The following LGSN variants were observed in gnomAD, a reference collection of about 807,000 sequenced individuals.
LGSN encodes lengsin, lens protein with glutamine synthetase domain.
In LGSN, 21 loss-of-function variants were observed where a neutral mutation model predicts 19.5. The ratio of observed to expected loss-of-function variants is 1.07; its 90% CI spans 0.76 to 1.55. The LOEUF (loss-of-function observed/expected upper bound fraction) is 1.55. Among genes scored for constraint, LGSN ranks in the 40% most tolerant of loss-of-function variants. LGSN has a pLI of 0.00. For missense variants in LGSN, 673 were observed against 608.5 expected, an observed-to-expected ratio of 1.11 and a Z score of -1.12; for synonymous variants, 257 against 215.6, an observed-to-expected ratio of 1.19 and a Z score of -1.68.
the LGSN span, among the ~76,000 whole-genome samples, chr6:63,363,824 A>G: frequency 6.6e-6 from 1 of 152,154 alleles, no homozygotes; most frequent in Admixed American, 6.5e-5. Context: ...AGCAGGCCAA[A>G]TTCAAATTCA....
chr6:63,450,704 G>C, the LGSN span, among the ~76,000 whole-genome samples: 3 of 150,720 alleles, frequency 2.0e-5, no homozygotes, highest in Non-Finnish European at 4.4e-5. Flanking sequence ...ACTGAGTCTT[G>C]CTCTGTGGCC....
the LGSN span, among the ~76,000 whole-genome samples, chr6:63,442,753 C>G: frequency 1.3e-5 from 2 of 151,966 alleles, no homozygotes; most frequent in Non-Finnish European, 2.9e-5. Flanking sequence ...AAGTCCCCAC[C>G]AGATTAGCTA....
chr6:63,328,501 A>C, the LGSN span, among the ~76,000 whole-genome samples: 1 of 152,210 alleles, frequency 6.6e-6, no homozygotes, highest in Non-Finnish European at 1.5e-5. Flanking sequence ...TACTCCAGAC[A>C]GTGAGATCCT....
the LGSN span, among the ~76,000 whole-genome samples, chr6:63,562,184 T>G: frequency 6.6e-6 from 1 of 151,622 alleles, no homozygotes; most frequent in Admixed American, 6.6e-5. Flanking sequence ...TTAAAGACAT[T>G]AAGATATTTT....
chr6:63,308,170 T>G lies in LGSN; in HGVS notation c.30+11744A>C, dbSNP rs1363114461. Among the ~76,000 whole-genome samples the G allele has an allele frequency of 3.3e-5, 5 of 152,224 alleles. No individual in the cohort carries two copies. The South Asian group carries it at 6.2e-4, about 19-fold the overall frequency. On this transcript the variant is annotated intron_variant, in intron 1 of 3. Transcript: ENST00000370657. ...TGCTTAATTTGGACAATCCCAAATT[T>G]CTGCTACAACAGGTTGATTTTCATT... is the stretch of plus-strand genomic sequence containing the variant.
At chr6:63,355,358 T>G in the LGSN span, among the ~76,000 whole-genome samples, 1 of 152,230 alleles carries the variant, frequency 6.6e-6, no homozygotes, top group Admixed American at 6.5e-5. Context: ...GAAGAAAATG[T>G]ACTTTGTCTC....
the LGSN span, among the ~76,000 whole-genome samples, chr6:63,384,078 A>G: frequency 6.6e-6 from 1 of 152,174 alleles, no homozygotes; most frequent in Non-Finnish European, 1.5e-5. Flanking sequence ...AAACGTTTAG[A>G]CCAACCCAAA....
At chr6:63,400,977 A>G in the LGSN span, among the ~76,000 whole-genome samples, 1 of 152,084 alleles carries the variant, frequency 6.6e-6, no homozygotes. Context: ...CTGGATGACA[A>G]GAGCAAGACT....
At chr6:63,281,256 AAAAC>A (rs976480011) in intron 3 of LGSN, 36 bp from the exon 4 acceptor site, 2 of 1,411,472 alleles carry the variant, frequency 1.4e-6, no homozygotes, top group Non-Finnish European at 1.9e-6. Flanking sequence ...TTAGGTTTTG[AAAAC>A]AAACAAAAGG....
At chr6:63,327,962 G>A in the LGSN span, among the ~76,000 whole-genome samples, 3 of 152,130 alleles carry the variant, frequency 2.0e-5, no homozygotes, top group South Asian at 2.1e-4. Flanking sequence ...ACTTCCCTGT[G>A]GCATCCAGTG....
At chr6:63,412,537 A>AGAAG in the LGSN span, among the ~76,000 whole-genome samples, 67 of 109,550 alleles carry the variant, frequency 6.1e-4, no homozygotes, top group South Asian at 2.7e-3. Flanking sequence ...AAGGAAAGAA[A>AGAAG]GAAAGAAAGA....
the LGSN span, among the ~76,000 whole-genome samples, chr6:63,508,881 T>C: frequency 2.1e-5 from 3 of 146,192 alleles, no homozygotes; most frequent in Non-Finnish European, 4.5e-5. Context: ...ATTGGGCCAT[T>C]GCACTCCAGC....
chr6:63,517,279 T>C, the LGSN span, among the ~76,000 whole-genome samples: 1 of 152,096 alleles, frequency 6.6e-6, no homozygotes, highest in South Asian at 2.1e-4. Flanking sequence ...ATAGAGTTTC[T>C]CCTGAGAAGC....
At chr6:63,385,965 A>G in the LGSN span, among the ~76,000 whole-genome samples, 1 of 152,190 alleles carries the variant, frequency 6.6e-6, no homozygotes, top group Admixed American at 6.5e-5. Flanking sequence ...CAACTACTTT[A>G]CTAATTCCAT....
At chr6:63,420,345 C>T in the LGSN span, among the ~76,000 whole-genome samples, 1 of 152,226 alleles carries the variant, frequency 6.6e-6, no homozygotes, top group Non-Finnish European at 1.5e-5. Flanking sequence ...ATCCAGCTGG[C>T]CCTCAACTGA....
At chr6:63,513,928 A>AC in the LGSN span, among the ~76,000 whole-genome samples, 4 of 149,088 alleles carry the variant, frequency 2.7e-5, no homozygotes, top group African/African-American at 4.9e-5. Context: ...AAAAAAAAAA[A>AC]AAAAAAAACA....
chr6:63,406,445 T>C, the LGSN span, among the ~76,000 whole-genome samples: 1 of 151,418 alleles, frequency 6.6e-6, no homozygotes, highest in Non-Finnish European at 1.5e-5. Flanking sequence ...CATAATGAAA[T>C]GAAGGCAGAA....
chr6:63,378,036 A>G, the LGSN span, among the ~76,000 whole-genome samples: 3 of 115,774 alleles, frequency 2.6e-5, no homozygotes, highest in African/African-American at 1.7e-4. Context: ...AGATTTTTGA[A>G]AAAAAAAAAA....
chr6:63,470,982 C>T, the LGSN span, among the ~76,000 whole-genome samples: 1 of 140,722 alleles, frequency 7.1e-6, no homozygotes, highest in East Asian at 2.1e-4. Flanking sequence ...CTCTTGTTGC[C>T]CAGGCTGCAG....
Sources: gnomAD v4.1 joint callset for allele counts (sites outside exome capture counted in the v4.1 genomes callset) on GRCh38, gnomAD v4.1.1 for gene constraint, MANE v1.5 for transcripts, NCBI Gene and HGNC (gene_info 2026-07-23, HGNC 2026-07-21) for gene names.